Variants in SLC4A10 observed in about 807,000 individuals in gnomAD.
SLC4A10 encodes solute carrier family 4 member 10.
In SLC4A10, 42 loss-of-function variants were observed where a neutral mutation model predicts 137.7. The ratio of observed to expected loss-of-function variants is 0.30; its 90% CI spans 0.24 to 0.39. The LOEUF is 0.39. SLC4A10 is among the 10% of genes least tolerant of loss of function. The pLI is 1.00. For synonymous variants in SLC4A10, 474 were observed against 464.1 expected (o/e 1.02, Z -0.27); for missense variants, 925 against 1,355.0 (o/e 0.68, Z 4.98).
chr2:161,814,252 G>T (rs913971461), intron 3 of SLC4A10, among the ~76,000 whole-genome samples: 1 of 152,044 alleles, frequency 6.6e-6, no homozygotes, highest in Non-Finnish European at 1.5e-5. Flanking sequence ...AGTCAAAATG[G>T]TGATTATCAA....
intron 2 of SLC4A10, 31 bp downstream of exon 2, chr2:161,771,085 G>C: frequency 6.9e-7 from 1 of 1,451,778 alleles, no homozygotes; most frequent in Non-Finnish European, 9.5e-7. Flanking sequence ...ATAGCTATTG[G>C]TGTGCTTTCC....
chr2:161,691,979 T>C (rs896029147), intron 1 of SLC4A10, among the ~76,000 whole-genome samples: 1 of 152,118 alleles, frequency 6.6e-6, no homozygotes, highest in East Asian at 1.9e-4. Flanking sequence ...TGTGAAGTAG[T>C]GTAGGCTACA....
chr2:161,626,066 G>C (rs2032299378), intron 1 of SLC4A10, among the ~76,000 whole-genome samples: 1 of 152,108 alleles, frequency 6.6e-6, no homozygotes, highest in Non-Finnish European at 1.5e-5. Flanking sequence ...AATAAATACT[G>C]TTAAGAATAC....
At chr2:161,883,227 G>A (rs2061950285) in intron 10 of SLC4A10, among the ~76,000 whole-genome samples, 1 of 152,022 alleles carries the variant, frequency 6.6e-6, no homozygotes, top group African/African-American at 2.4e-5. Flanking sequence ...GAACAAATGG[G>A]ATTATATACT....
intron 10 of SLC4A10, among the ~76,000 whole-genome samples, chr2:161,888,235 C>T (rs940898310): frequency 6.6e-6 from 1 of 152,128 alleles, no homozygotes; most frequent in African/African-American, 2.4e-5. Context: ...GTGATGCCTC[C>T]AGCTTTGTTC....
intron 21 of SLC4A10, among the ~76,000 whole-genome samples, chr2:161,959,161 T>C (rs977923022): frequency 6.6e-6 from 1 of 152,194 alleles, no homozygotes; most frequent in Non-Finnish European, 1.5e-5. Flanking sequence ...TAAGAACAAT[T>C]TGTTGAGATA....
At chr2:161,917,683 C>T (rs1057074908) in intron 15 of SLC4A10, among the ~76,000 whole-genome samples, 2 of 151,810 alleles carry the variant, frequency 1.3e-5, no homozygotes, top group Admixed American at 6.6e-5. Flanking sequence ...TCCAATTATT[C>T]TGCATCCTCA....
intron 21 of SLC4A10, among the ~76,000 whole-genome samples, chr2:161,960,518 G>A (rs762527553): frequency 3.3e-5 from 5 of 151,702 alleles, no homozygotes; most frequent in South Asian, 2.1e-4. Context: ...TCAGGAGTTC[G>A]AGACCAGCCT....
rs372130906 is a variant in SLC4A10 at position 161,917,915 on chromosome 2, A to G, written c.1997+12028A>G. Among the ~76,000 whole-genome samples the G allele has an allele frequency of 1.2e-4, 18 of 152,318 alleles. No homozygotes were observed. In the East Asian group the frequency reaches 3.1e-3, roughly 26 times the overall value. On this transcript the variant is annotated intron_variant, in intron 15 of 26. Coordinates refer to ENST00000446997, the MANE Select transcript of SLC4A10 (RefSeq NM_001178015.2). ...TTTTGAATGATTATCTCCTCTACTC[A>G]GAGCTAAAAATCGAACTGAGACTCA...
Position 161,872,369 on chromosome 2 carries a change from T to A in SLC4A10, c.843T>A (p.Thr281=), listed in dbSNP as rs2061181848. Residue 281 remains threonine (T), a synonymous_variant, in exon 7 of 27, where the codon ACT becomes ACA. Transcript: ENST00000446997. ...ATGATGTTAGCAGAGAAAACAGCAC[T>A]GTTGACTTTAGCAAGGTGAGCTTTT... ...NKNDVSRENS[T]VDFSKGLGGQ... The A allele has an allele frequency of 1.9e-6, 3 of 1,613,472 alleles. No individual in the cohort carries two copies. The East Asian group carries it at 6.7e-5, about 36-fold the overall frequency.
At chr2:161,840,073 CGG>C in intron 4 of SLC4A10, 146 bp downstream of exon 4, 4 of 931,178 alleles carry the variant, frequency 4.3e-6, no homozygotes, top group Non-Finnish European at 4.9e-6. Flanking sequence ...TATCCTATAA[CGG>C]GATATGGGTC....
rs149822031 is a variant in SLC4A10, at chr2:161,920,047, CCA to C, written c.1997+14163_1997+14164del. ...CCAGTGTCTGGAACTGCCTGCCCCA[CCA>C]CAGCAGCCAGCATGCCTGACTGTGC... On this transcript the variant is annotated intron_variant, in intron 15 of 26. Coordinates refer to ENST00000446997, the MANE Select transcript of SLC4A10 (RefSeq NM_001178015.2). Among the ~76,000 whole-genome samples the C allele has an allele frequency of 7.7e-3, 1,176 of 152,334 alleles. 59 individuals carry two copies. The East Asian group carries it at 0.13, about 17-fold the overall frequency.
rs758894714 is a variant in SLC4A10, at chr2:161,804,454, C to T, written c.136C>T (p.Arg46Ter). Residue 46 changes from arginine to a stop codon, truncating the protein, a stop_gained, in exon 3 of 27, where the codon CGA (arginine) becomes TGA (stop). Coordinates refer to ENST00000446997, the MANE Select transcript of SLC4A10 (RefSeq NM_001178015.2). LOFTEE classifies it high-confidence loss of function. Reference sequence around the variant, plus strand: ...GGGTTTGCTTCCTTATGAAGGTCATCGAACACTATTTATTGGAGTACATGT... The same window carrying T: ...GGGTTTGCTTCCTTATGAAGGTCATTGAACACTATTTATTGGAGTACATGT... Reference protein sequence around the residue: ...HFEKEDLEGHRTLFIGVHVPL... With the variant: ...HFEKEDLEGH 1 of 1,610,278 alleles carries T rather than the reference C, an allele frequency of 6.2e-7. No individual in the cohort carries two copies. The highest frequency in any genetic ancestry group is 8.5e-7 in the Non-Finnish European group (1 of 1,177,828).
intron 1 of SLC4A10, among the ~76,000 whole-genome samples, chr2:161,649,823 G>A (rs1179555446): frequency 6.6e-6 from 1 of 151,340 alleles, no homozygotes; most frequent in African/African-American, 2.4e-5. Flanking sequence ...AGTGCTTTAA[G>A]ACAGGTATTT....
Position 161,818,387 on chromosome 2 carries a change from T to C in SLC4A10, c.277+13792T>C, listed in dbSNP as rs185779173. ...AGCTTAAGGAGATTTTGGGCTGAGA[T>C]GATGGGGTTTTCTAGATATACAATC... On this transcript the variant is annotated intron_variant, in intron 3 of 26. Transcript: ENST00000446997. 2.7e-3 allele frequency among the ~76,000 whole-genome samples: 405 copies of C among 152,288 alleles called. 1 individual carries two copies. Among genetic ancestry groups the C allele is most frequent in the Admixed American group, 5.0e-3 (76 of 15,292 alleles).
intron 1 of SLC4A10, among the ~76,000 whole-genome samples, chr2:161,757,047 C>T (rs1042167881): frequency 6.6e-6 from 1 of 152,104 alleles, no homozygotes; most frequent in Non-Finnish European, 1.5e-5. Flanking sequence ...AGTCAGCTCA[C>T]TTATAAGCAA....
At chr2:161,862,387 A>G (rs1360427549) in intron 5 of SLC4A10, among the ~76,000 whole-genome samples, 1 of 152,216 alleles carries the variant, frequency 6.6e-6, no homozygotes, top group African/African-American at 2.4e-5. Context: ...ATGGGGAAAC[A>G]AGGAAATTAG....
At chr2:161,861,311 A>C (rs1176609226) in intron 5 of SLC4A10, among the ~76,000 whole-genome samples, 1 of 152,186 alleles carries the variant, frequency 6.6e-6, no homozygotes, top group Non-Finnish European at 1.5e-5. Flanking sequence ...ATCTAAGAGA[A>C]AGTCACAAAA....
intron 24 of SLC4A10, among the ~76,000 whole-genome samples, chr2:161,975,782 A>G (rs926295148): frequency 1.3e-5 from 2 of 152,240 alleles, no homozygotes; most frequent in Admixed American, 1.3e-4. Context: ...AAGGGACATG[A>G]TAAGCAGAGG....
Sources: gnomAD v4.1 joint callset for allele counts (sites outside exome capture counted in the v4.1 genomes callset) on GRCh38, gnomAD v4.1.1 for gene constraint, MANE v1.5 for transcripts, NCBI Gene and HGNC (gene_info 2026-07-23, HGNC 2026-07-21) for gene names.